Variants in CNTN6 observed in about 807,000 individuals in gnomAD.
CNTN6 encodes the protein contactin 6, also known as contactin-6.
Under a neutral mutation model 122.8 loss-of-function variants are expected in CNTN6, and 137 were observed. The ratio of observed to expected loss-of-function variants is 1.12; its 90% CI spans 0.97 to 1.29. The LOEUF is 1.29. CNTN6 is among the 50% of genes most tolerant of loss of function. The probability of loss-of-function intolerance (pLI) is 0.00; values close to 1 mark genes in which losing one functional copy is unlikely to be tolerated. For missense variants in CNTN6, 1,634 were observed against 1,223.4 expected (o/e 1.34, Z -5.01); for synonymous variants, 570 against 426.0 (o/e 1.34, Z -4.16).
intron 5 of CNTN6, among the ~76,000 whole-genome samples, chr3:1,282,301 G>A (rs1037320988): frequency 6.6e-6 from 1 of 152,210 alleles, no homozygotes; most frequent in African/African-American, 2.4e-5. Context: ...CAAATGTCCT[G>A]CTCCTCTAGA....
chr3:1,205,290 C>G (rs1389955954), intron 2 of CNTN6, among the ~76,000 whole-genome samples: 1 of 152,144 alleles, frequency 6.6e-6, no homozygotes, highest in African/African-American at 2.4e-5. Flanking sequence ...ACCTACAGAA[C>G]TATAAGATAG....
rs569574113 is a variant in CNTN6 at position 1,211,373 on chromosome 3, G to A, written c.56-9314G>A. On this transcript the variant is annotated intron_variant, in intron 2 of 22. Coordinates refer to ENST00000446702, the MANE Select transcript of CNTN6 (RefSeq NM_001289080.2). ...GATACAGGCTTTCTAATGTATGTGA[G>A]TTTCCCTTGTGATTTCCTCTAAAAG... is the stretch of plus-strand genomic sequence containing the variant. 2.0e-5 allele frequency among the ~76,000 whole-genome samples: 3 copies of A among 152,272 alleles called. No individual in the cohort carries two copies. The East Asian group carries it at 5.8e-4, about 29-fold the overall frequency.
intron 5 of CNTN6, among the ~76,000 whole-genome samples, chr3:1,282,521 T>G (rs1270428159): frequency 2.0e-5 from 3 of 152,252 alleles, no homozygotes; most frequent in Non-Finnish European, 4.4e-5. Flanking sequence ...GAGATGGGTT[T>G]TGTGATTGTA....
At chr3:1,321,604 A>G (rs544765822) in intron 7 of CNTN6, 46 bp from the exon 8 acceptor site, 42 of 1,490,526 alleles carry the variant, frequency 2.8e-5, no homozygotes, top group East Asian at 2.1e-4. Context: ...TTTTGCTGTC[A>G]TAAAGATTAA....
rs1575987113 is a variant in CNTN6, at chr3:1,383,552, A to G, written c.2517+144A>G. On this transcript the variant is annotated intron_variant, in intron 19 of 22. Transcript: ENST00000446702. ...CTAAAGCAGAGAATGAAGTTGAGAC[A>G]GGGTAGGTGAGCCCCCACATTGAGA... The G allele has an allele frequency of 4.8e-6, 3 of 625,928 alleles. No homozygotes were observed. In the East Asian group the frequency reaches 8.4e-5, roughly 18 times the overall value. The allele number at this position is 625,928 out of a possible 1,614,324, so 38.8% of individuals were successfully genotyped here.
intron 5 of CNTN6, among the ~76,000 whole-genome samples, chr3:1,284,092 T>G (rs1045607554): frequency 3.9e-5 from 6 of 152,238 alleles, no homozygotes; most frequent in African/African-American, 1.4e-4. Context: ...AAATGTTCCA[T>G]TCTCTCCTCA....
chr3:1,236,620 A>C (rs955890107), intron 4 of CNTN6, among the ~76,000 whole-genome samples: 2 of 152,184 alleles, frequency 1.3e-5, no homozygotes, highest in Admixed American at 1.3e-4. Flanking sequence ...GACATAATGT[A>C]CCCGAATGAG....
chr3:1,317,574 G>C (rs1016709505), intron 7 of CNTN6, among the ~76,000 whole-genome samples: 1 of 151,790 alleles, frequency 6.6e-6, no homozygotes, highest in Non-Finnish European at 1.5e-5. Context: ...TCGGATTTCA[G>C]AGATGCTTTC....
intron 12 of CNTN6, among the ~76,000 whole-genome samples, chr3:1,365,353 A>C (rs1311975968): frequency 6.6e-6 from 1 of 152,004 alleles, no homozygotes; most frequent in African/African-American, 2.4e-5. Flanking sequence ...ATGGTAACAA[A>C]TTATTATTTC....
At chr3:1,339,299 A>C (rs1703549630) in intron 11 of CNTN6, among the ~76,000 whole-genome samples, 1 of 152,128 alleles carries the variant, frequency 6.6e-6, no homozygotes, top group Non-Finnish European at 1.5e-5. Flanking sequence ...TAGCTCTCCA[A>C]GGAGCATAGT....
chr3:1,400,601 T>C (rs1695562948), intron 20 of CNTN6, among the ~76,000 whole-genome samples: 1 of 152,146 alleles, frequency 6.6e-6, no homozygotes, highest in East Asian at 1.9e-4. Flanking sequence ...AAAAGCTCCA[T>C]TTATTTTAAA....
At chr3:1,228,079 A>C in intron 4 of CNTN6, 86 bp downstream of exon 4, 1 of 1,308,128 alleles carries the variant, frequency 7.6e-7, no homozygotes, top group Non-Finnish European at 1.1e-6. Context: ...TAGCTTTGCC[A>C]ATGATATATT....
intron 7 of CNTN6, among the ~76,000 whole-genome samples, chr3:1,302,406 C>T (rs1002662128): frequency 3.3e-5 from 5 of 151,974 alleles, no homozygotes; most frequent in African/African-American, 1.2e-4. Flanking sequence ...TTTCTTATTA[C>T]ATTACTATTC....
chr3:1,232,092 G>A (rs2094359384), intron 4 of CNTN6, among the ~76,000 whole-genome samples: 3 of 152,140 alleles, frequency 2.0e-5, no homozygotes, highest in Non-Finnish European at 4.4e-5. Flanking sequence ...TAGGTGTTTT[G>A]AAAGAAACCC....
Position 1,403,379 on chromosome 3 carries a change from T to A in CNTN6, c.3048T>A (p.Ile1016=), listed in dbSNP as rs1297484752. Residue 1016 remains isoleucine, a synonymous_variant, in exon 23 of 23, where the codon ATT becomes ATA. Coordinates refer to ENST00000446702, the MANE Select transcript of CNTN6 (RefSeq NM_001289080.2). ...EPSTHFLSIV[I]VIFHCFAIQP... The stretch of plus-strand genomic sequence containing the variant: ...GCACCCATTTTCTTTCCATTGTCAT[T>A]GTGATTTTTCACTGTTTTGCTATTC... 4 of 1,611,574 alleles carry A rather than the reference T, an allele frequency of 2.5e-6. No homozygotes were observed. Among genetic ancestry groups the A allele is most frequent in the Non-Finnish European group, 3.4e-6 (4 of 1,178,744 alleles).
At chr3:1,339,968 A>G (rs888313338) in intron 11 of CNTN6, among the ~76,000 whole-genome samples, 7 of 152,190 alleles carry the variant, frequency 4.6e-5, no homozygotes, top group African/African-American at 1.7e-4. Context: ...ATGATGATAT[A>G]TCCATTTATA....
At chr3:1,159,866 G>T (rs2093082586) in intron 2 of CNTN6, among the ~76,000 whole-genome samples, 1 of 151,874 alleles carries the variant, frequency 6.6e-6, no homozygotes, top group Non-Finnish European at 1.5e-5. Context: ...TGTCCCCCAG[G>T]CTGGAGTACA....
Position 1,352,269 on chromosome 3 carries a change from T to A in CNTN6, c.1365-55T>A. The A allele has an allele frequency of 2.9e-6, 4 of 1,398,252 alleles. No individual in the cohort carries two copies. In the Admixed American group the frequency reaches 7.6e-5, roughly 27 times the overall value. The allele number at this position is 1,398,252 out of a possible 1,614,324, so 86.6% of individuals were successfully genotyped here. Reference sequence around the variant, plus strand: ...GTTTTAAAATAAAAATAAGCACTTATGATTTACCAGTGTTGAAGAGCCTTA... The same window carrying A: ...GTTTTAAAATAAAAATAAGCACTTAAGATTTACCAGTGTTGAAGAGCCTTA... On this transcript the variant is annotated intron_variant, in intron 11 of 22. Transcript: ENST00000446702.
At position 1,233,734 on chromosome 3, in the gene CNTN6, C is replaced by CAAAAAAAAAAA. The variant is rs1166507455; in HGVS notation, c.358+5755_358+5765dup. On this transcript the variant is annotated intron_variant, in intron 4 of 22. Transcript: ENST00000446702. ...TGGGCAACAGAACGAGACTCTGTCTCAAAAAAAAAAAAAAAAAAAAAAAAG... is the reference window on the plus strand; with the variant it reads ...TGGGCAACAGAACGAGACTCTGTCTCAAAAAAAAAAAAAAAAAAAAAAAAAAAAAAAAAAAG... Among the ~76,000 whole-genome samples the CAAAAAAAAAAA allele has an allele frequency of 1.4e-3, 75 of 52,150 alleles. 5 individuals carry two copies. Among genetic ancestry groups the CAAAAAAAAAAA allele is most frequent in the African/African-American group, 6.3e-3 (73 of 11,586 alleles). 34.2% of individuals were successfully genotyped at this position (52,150 alleles called of 152,430 possible).
Sources: allele counts gnomAD v4.1 joint callset (sites outside exome capture counted in the v4.1 genomes callset), GRCh38; gene constraint gnomAD v4.1.1; transcripts MANE v1.5; gene names NCBI Gene and HGNC (gene_info 2026-07-23, HGNC 2026-07-21).